The following PRKN variants were observed in gnomAD, a reference collection of about 807,000 sequenced individuals.
PRKN encodes the protein E3 ubiquitin-protein ligase parkin.
A neutral mutation model predicts 59.5 loss-of-function variants in PRKN; 56 were observed. That is an observed-to-expected ratio of 0.94 (90% CI 0.76 to 1.18). The LOEUF (loss-of-function observed/expected upper bound fraction) is 1.18, where lower values mean the gene tolerates loss of function less well. Among genes scored for constraint, PRKN ranks in the 50% most tolerant of loss-of-function variants. The pLI, the probability that PRKN is intolerant of heterozygous loss-of-function variation, is 0.00. For missense variants in PRKN, 657 were observed against 596.4 expected, an observed-to-expected ratio of 1.10 and a Z score of -1.06; for synonymous variants, 250 against 222.1, an observed-to-expected ratio of 1.13 and a Z score of -1.12.
chr6:161,602,579 G>T (rs1469469831), intron 7 of PRKN, among the ~76,000 whole-genome samples: 1 of 152,180 alleles, frequency 6.6e-6, no homozygotes, highest in Non-Finnish European at 1.5e-5. Context: ...AAGTGTCAAG[G>T]TTAGAACTGC....
chr6:162,036,315 C>A (rs897260027), intron 5 of PRKN, among the ~76,000 whole-genome samples: 3 of 151,734 alleles, frequency 2.0e-5, no homozygotes, highest in Non-Finnish European at 2.9e-5. Context: ...CAGAGCGAGA[C>A]CCCGTCTCAA....
intron 6 of PRKN, among the ~76,000 whole-genome samples, chr6:161,872,015 TCAGTGA>T (rs906419872): frequency 4.6e-5 from 7 of 152,188 alleles, no homozygotes; most frequent in African/African-American, 1.7e-4. Context: ...TTCAAATATT[TCAGTGA>T]CTCTTCACTG....
intron 7 of PRKN, among the ~76,000 whole-genome samples, chr6:161,713,455 G>A (rs555031212): frequency 6.6e-6 from 1 of 152,252 alleles, no homozygotes; most frequent in East Asian, 1.9e-4. Flanking sequence ...GGTGCACCCT[G>A]AGTAAATGCA....
chr6:162,169,673 A>T (rs898462685), intron 4 of PRKN, among the ~76,000 whole-genome samples: 3 of 152,200 alleles, frequency 2.0e-5, no homozygotes, highest in African/African-American at 7.2e-5. Context: ...AAAACTGTTC[A>T]TCTACTAATA....
At chr6:161,955,127 C>T (rs1780124736) in intron 6 of PRKN, among the ~76,000 whole-genome samples, 1 of 152,302 alleles carries the variant, frequency 6.6e-6, no homozygotes, top group South Asian at 2.1e-4. Flanking sequence ...ACCTCTTCTT[C>T]CACCTAGAGC....
intron 7 of PRKN, among the ~76,000 whole-genome samples, chr6:161,573,591 GCGCC>G (rs1379727230): frequency 2.0e-3 from 299 of 149,752 alleles, no homozygotes; most frequent in South Asian, 3.9e-3. Context: ...GTGGTGGCGG[GCGCC>G]TGTAGTCCCA....
chr6:161,639,242 G>A (rs1783648417), intron 7 of PRKN, among the ~76,000 whole-genome samples: 1 of 152,160 alleles, frequency 6.6e-6, no homozygotes, highest in Admixed American at 6.5e-5. Flanking sequence ...TGTGAGAATG[G>A]ACAAATAGAC....
At chr6:161,736,912 T>G (rs1366652345) in intron 7 of PRKN, among the ~76,000 whole-genome samples, 1 of 152,188 alleles carries the variant, frequency 6.6e-6, no homozygotes, top group Non-Finnish European at 1.5e-5. Flanking sequence ...GTCTCTGACA[T>G]GGTTTAGTGA....
At position 161,569,451 on chromosome 6, in the gene PRKN, C is replaced by T. The variant is rs3765474; in HGVS notation, c.872-35G>A. ...AGAAGAATTAATCACAAAAACGTCA[C>T]TTTCACTCTGTGTGGTTATATGTTC... On this transcript the variant is annotated intron_variant, in intron 7 of 11. Transcript: ENST00000366898. 0.55 allele frequency: 861,636 copies of T among 1,566,764 alleles called. 238,283 individuals are homozygous for T. Among genetic ancestry groups the T allele is most frequent in the East Asian group, 0.69 (30,690 of 44,610 alleles).
At position 162,010,379 on chromosome 6, in the gene PRKN, T is replaced by A. The variant is rs182158819; in HGVS notation, c.619-36962A>T. The stretch of plus-strand genomic sequence containing the variant: ...TATTATATGTAATATACATTTATAA[T>A]ATATAATATATAAATAATATACATT... On this transcript the variant is annotated intron_variant, in intron 5 of 11. Transcript: ENST00000366898. Among the ~76,000 whole-genome samples, 10 of 101,566 alleles carry A rather than the reference T, an allele frequency of 9.8e-5. No individual in the cohort carries two copies. The East Asian group carries it at 2.5e-3, about 25-fold the overall frequency. 66.6% of individuals were successfully genotyped at this position (101,566 alleles called of 152,430 possible).
intron 4 of PRKN, among the ~76,000 whole-genome samples, chr6:162,072,846 A>G (rs370103424): frequency 1.3e-5 from 2 of 152,222 alleles, no homozygotes; most frequent in African/African-American, 4.8e-5. Context: ...AATGAGATAA[A>G]GTAGTTAGCA....
intron 2 of PRKN, among the ~76,000 whole-genome samples, chr6:162,318,585 T>C (rs1339133426): frequency 6.6e-6 from 1 of 152,074 alleles, no homozygotes; most frequent in East Asian, 1.9e-4. Flanking sequence ...TTTCTATTTC[T>C]CTACATCCCT....
intron 7 of PRKN, among the ~76,000 whole-genome samples, chr6:161,735,258 T>G (rs1303364661): frequency 2.6e-5 from 4 of 152,114 alleles, no homozygotes; most frequent in Admixed American, 1.3e-4. Flanking sequence ...CTGCCACCCC[T>G]GAGACAGCAA....
chr6:162,237,568 T>G (rs1778795287), intron 3 of PRKN, among the ~76,000 whole-genome samples: 1 of 152,138 alleles, frequency 6.6e-6, no homozygotes, highest in Admixed American at 6.5e-5. Context: ...GAAATAAGTT[T>G]GTTGAAAATA....
At chr6:161,740,656 C>G (rs568459084) in intron 7 of PRKN, among the ~76,000 whole-genome samples, 1 of 152,212 alleles carries the variant, frequency 6.6e-6, no homozygotes, top group Non-Finnish European at 1.5e-5. Context: ...CTGTAATGAA[C>G]GGCTGACACT....
At chr6:162,226,232 GAGAC>G (rs1280649045) in intron 3 of PRKN, among the ~76,000 whole-genome samples, 2 of 152,068 alleles carry the variant, frequency 1.3e-5, no homozygotes, top group African/African-American at 4.8e-5. Flanking sequence ...TATGCGCTTT[GAGAC>G]AGACAGGCAG....
At chr6:162,623,116 CCT>C (rs1782744343) in intron 1 of PRKN, among the ~76,000 whole-genome samples, 1 of 152,224 alleles carries the variant, frequency 6.6e-6, no homozygotes, top group Non-Finnish European at 1.5e-5. Context: ...TCAGCCTCAA[CCT>C]CTTTTTTTTG....
intron 1 of PRKN, among the ~76,000 whole-genome samples, chr6:162,697,542 T>C (rs1778013200): frequency 6.6e-6 from 1 of 152,162 alleles, no homozygotes. Flanking sequence ...CCACCAGATA[T>C]AGGCATAAAA....
At position 161,395,818 on chromosome 6, in the gene PRKN, A is replaced by C. The variant is rs572755565; in HGVS notation, c.1084-8941T>G. Among the ~76,000 whole-genome samples, 1 of 152,312 alleles carries C rather than the reference A, an allele frequency of 6.6e-6. No homozygotes were observed. The highest frequency in any genetic ancestry group is 6.5e-5 in the Admixed American group (1 of 15,294). ...GGTCAGGCTCACTCTGACTTTCCTCAGCTCAACACACATGGAGCTGGTCGT... is the reference window on the plus strand; with the variant it reads ...GGTCAGGCTCACTCTGACTTTCCTCCGCTCAACACACATGGAGCTGGTCGT... On this transcript the variant is annotated intron_variant, in intron 9 of 11. Transcript: ENST00000366898. This position sits in a 1 kb window ranked among gnomAD's most constrained non-coding sequence, Gnocchi z 5.0.
Sources: allele counts gnomAD v4.1 joint callset (sites outside exome capture counted in the v4.1 genomes callset), GRCh38; gene constraint gnomAD v4.1.1; non-coding constraint Gnocchi (gnomAD v3.1); transcripts MANE v1.5; gene names NCBI Gene and HGNC (gene_info 2026-07-23, HGNC 2026-07-21).